ZNF678: variants seen among roughly 807,000 people sequenced by gnomAD.
ZNF678 encodes the protein hypothetical protein MGC42493.
A neutral mutation model predicts 3.0 loss-of-function variants in ZNF678; 5 were observed. That is an observed-to-expected ratio of 1.69 (90% CI 0.88 to 3.56). The LOEUF is 3.56. ZNF678 is among the 30% of genes most tolerant of loss of function. The pLI is 0.00. For synonymous variants in ZNF678, 218 were observed against 199.6 expected, an observed-to-expected ratio of 1.09 and a Z score of -0.78; for missense variants, 593 against 605.0, an observed-to-expected ratio of 0.98 and a Z score of 0.21.
chr1:227,598,405 A>G lies in ZNF678; in HGVS notation c.-164+34681A>G. 2.1e-6 allele frequency: 3 copies of G among 1,439,936 alleles called. 1 individual carries two copies. Among genetic ancestry groups the G allele is most frequent in the Non-Finnish European group, 9.1e-7 (1 of 1,101,052 alleles). The allele number at this position is 1,439,936 out of a possible 1,614,324, so 89.2% of individuals were successfully genotyped here. A position where few individuals can be genotyped will look rare whatever the true frequency, so the allele number is the denominator to read the frequency against. On this transcript the variant is annotated intron_variant, in intron 1 of 3. Coordinates refer to ENST00000343776, the MANE Select transcript of ZNF678 (RefSeq NM_001367909.1). The stretch of plus-strand genomic sequence containing the variant: ...GACATTGCACTTTCTTTATAAGGGA[A>G]TCCTGATTTTTCTTAATGTTATGGT...
At chr1:227,619,758 G>A (rs778194955) in intron 1 of ZNF678, among the ~76,000 whole-genome samples, 1 of 151,862 alleles carries the variant, frequency 6.6e-6, no homozygotes, top group African/African-American at 2.4e-5. Flanking sequence ...TGATCCGCCC[G>A]CCTTGGCCTC....
intron 1 of ZNF678, among the ~76,000 whole-genome samples, chr1:227,611,118 T>TA (rs1658006577): frequency 1.3e-5 from 2 of 152,334 alleles, no homozygotes; most frequent in African/African-American, 4.8e-5. Context: ...AGGCCAAAGA[T>TA]ACATTTTTAT....
chr1:227,643,132 C>T (rs1281584892), intron 1 of ZNF678, among the ~76,000 whole-genome samples: 1 of 151,930 alleles, frequency 6.6e-6, no homozygotes, highest in Non-Finnish European at 1.5e-5. Flanking sequence ...ATGTCACTAC[C>T]TGAATGGCCA....
chr1:227,640,680 G>T (rs750967000), intron 1 of ZNF678, among the ~76,000 whole-genome samples: 10 of 152,286 alleles, frequency 6.6e-5, no homozygotes, highest in Non-Finnish European at 1.5e-4. Flanking sequence ...TCGTACTGCG[G>T]CCAGGCTGTA....
At chr1:227,621,788 C>G (rs560991376) in intron 1 of ZNF678, among the ~76,000 whole-genome samples, 1 of 152,270 alleles carries the variant, frequency 6.6e-6, no homozygotes, top group East Asian at 1.9e-4. Flanking sequence ...CTAATTTAGG[C>G]TATGACAAGA....
intron 1 of ZNF678, among the ~76,000 whole-genome samples, chr1:227,567,593 G>A (rs1398726673): frequency 1.3e-5 from 2 of 152,104 alleles, no homozygotes; most frequent in Admixed American, 6.5e-5. Flanking sequence ...GGGTTCAGAA[G>A]CTCTTTCTGA....
At chr1:227,602,112 G>A (rs1205617461) in intron 1 of ZNF678, among the ~76,000 whole-genome samples, 1 of 152,112 alleles carries the variant, frequency 6.6e-6, no homozygotes, top group Non-Finnish European at 1.5e-5. Context: ...TGTTGAATAG[G>A]AGTGGTTAGA....
At chr1:227,573,696 G>GTT (rs766498592) in intron 1 of ZNF678, among the ~76,000 whole-genome samples, 39 of 151,960 alleles carry the variant, frequency 2.6e-4, no homozygotes, top group African/African-American at 8.2e-4. Context: ...TTTAAGTTCA[G>GTT]GGGTACATGT....
At chr1:227,606,826 C>T (rs922814301) in intron 1 of ZNF678, among the ~76,000 whole-genome samples, 6 of 152,126 alleles carry the variant, frequency 3.9e-5, no homozygotes, top group African/African-American at 7.2e-5. Context: ...CAAGGCACAC[C>T]CTGCACAGCC....
rs1306683857 is a variant in ZNF678, at chr1:227,609,650, TA to T, written c.-163-36892del. Among the ~76,000 whole-genome samples the T allele has an allele frequency of 3.3e-5, 5 of 152,236 alleles. 1 individual carries two copies. Among genetic ancestry groups the T allele is most frequent in the African/African-American group, 1.2e-4 (5 of 41,472 alleles). On this transcript the variant is annotated intron_variant, in intron 1 of 3. Coordinates refer to ENST00000343776, the MANE Select transcript of ZNF678 (RefSeq NM_001367909.1). ...TGTAACTTTTTGTGAATATATATTT[TA>T]ATCCAACATCAATATTTGAAACCTT...
chr1:227,571,595 G>C (rs1656842578), intron 1 of ZNF678, among the ~76,000 whole-genome samples: 1 of 152,186 alleles, frequency 6.6e-6, no homozygotes, highest in South Asian at 2.1e-4. Context: ...TGAAAACTAA[G>C]CAAACTAATG....
chr1:227,598,878 T>G, intron 1 of ZNF678: 1 of 659,760 alleles, frequency 1.5e-6, no homozygotes, highest in South Asian at 1.5e-5. Context: ...ATTCTTTTCT[T>G]TTTTTGTTTT....
At chr1:227,568,164 T>G (rs1435628063) in intron 1 of ZNF678, among the ~76,000 whole-genome samples, 1 of 152,186 alleles carries the variant, frequency 6.6e-6, no homozygotes, top group Non-Finnish European at 1.5e-5. Context: ...GTTCCATTAT[T>G]GGAGCACTAA....
At chr1:227,662,823 T>C (rs139173807), downstream of ZNF678, among the ~76,000 whole-genome samples, 1,455 of 152,266 alleles carry the variant, frequency 9.6e-3, 21 homozygotes, top group Admixed American at 9.3e-3. Context: ...TATTAAAGTT[T>C]TACCCATGCA....
intron 1 of ZNF678, among the ~76,000 whole-genome samples, chr1:227,586,872 G>A (rs551541871): frequency 2.1e-4 from 32 of 152,328 alleles, no homozygotes; most frequent in African/African-American, 7.5e-4. Context: ...ATGAAACAAA[G>A]CATTCCCTAA....
chr1:227,674,564 A>G (rs1011084904), intron 5 of ZNF678, among the ~76,000 whole-genome samples: 9 of 152,052 alleles, frequency 5.9e-5, no homozygotes, highest in African/African-American at 2.2e-4. Context: ...ATTTGGAAAA[A>G]AAATCATAGT....
chr1:227,646,076 G>A lies in ZNF678; in HGVS notation c.-163-468G>A, dbSNP rs992163843. Among the ~76,000 whole-genome samples, 5 of 152,242 alleles carry A rather than the reference G, an allele frequency of 3.3e-5. No individual in the cohort carries two copies. The South Asian group carries it at 6.2e-4, about 19-fold the overall frequency. On this transcript the variant is annotated intron_variant, in intron 1 of 3. Coordinates refer to ENST00000343776, the MANE Select transcript of ZNF678 (RefSeq NM_001367909.1). ...AATGTTTGGCAGAATATTCTTCTTG[G>A]TTCAGAAGCATTGGCATCACAGGTG...
At position 227,659,456 on chromosome 1, in the gene ZNF678, G is replaced by A. The variant is rs1659340355; in HGVS notation, c.*3628G>A. ...AGAGATGGGACTGTTAGCACCACCT[G>A]CTTCTTTAATGTCGTCCATATGATC... On this transcript the variant is annotated 3_prime_UTR_variant, in exon 4 of 4. Transcript: ENST00000343776. 1.3e-5 allele frequency: 2 copies of A among 152,080 alleles called. No homozygotes were observed. Among genetic ancestry groups the A allele is most frequent in the South Asian group, 4.1e-4 (2 of 4,830 alleles). 9.4% of individuals were successfully genotyped at this position (152,080 alleles called of 1,614,324 possible).
In ZNF678 at chr1:227,628,113, A is replaced by G. The variant is rs567568351; in HGVS notation, c.-163-18431A>G. On this transcript the variant is annotated intron_variant, in intron 1 of 3. Coordinates refer to ENST00000343776, the MANE Select transcript of ZNF678 (RefSeq NM_001367909.1). ...GCCGTTCACATCATGAGATGTCCAC[A>G]CAGTAAGATCTCTTCCCTGTATCAT... 2.0e-4 allele frequency among the ~76,000 whole-genome samples: 30 copies of G among 152,266 alleles called. No individual in the cohort carries two copies. The South Asian group carries it at 4.8e-3, about 24-fold the overall frequency.
Sources: allele counts gnomAD v4.1 joint callset (sites outside exome capture counted in the v4.1 genomes callset), GRCh38; gene constraint gnomAD v4.1.1; transcripts MANE v1.5; gene names NCBI Gene and HGNC (gene_info 2026-07-23, HGNC 2026-07-21).